The following DLGAP2 variants were observed in gnomAD, a reference collection of about 807,000 sequenced individuals.
DLGAP2 encodes disks large-associated protein 2.
DLGAP2 carries 26 observed loss-of-function variants against 100.3 expected under a neutral mutation model. The observed-to-expected ratio is 0.26, with a 90% confidence interval of 0.19 to 0.36. DLGAP2 has a LOEUF of 0.36. DLGAP2 is among the 10% of genes least tolerant of loss of function. The pLI is 1.00. For synonymous variants in DLGAP2, 886 were observed against 630.1 expected, an observed-to-expected ratio of 1.41 and a Z score of -6.08; for missense variants, 1,858 against 1,453.2, an observed-to-expected ratio of 1.28 and a Z score of -4.53.
At chr8:1,512,614 C>G (rs572193055) in intron 4 of DLGAP2, among the ~76,000 whole-genome samples, 2 of 152,172 alleles carry the variant, frequency 1.3e-5, no homozygotes, top group African/African-American at 4.8e-5. Flanking sequence ...CTGAGGCTGT[C>G]TGTTAAAAGC....
chr8:1,136,368 C>T (rs1280327126), intron 2 of DLGAP2, among the ~76,000 whole-genome samples: 1 of 152,236 alleles, frequency 6.6e-6, no homozygotes, highest in Non-Finnish European at 1.5e-5. Context: ...AGCCTGTCCA[C>T]AGCAGATGCT....
At chr8:1,365,705 G>A (rs951819054) in intron 3 of DLGAP2, among the ~76,000 whole-genome samples, 6 of 152,176 alleles carry the variant, frequency 3.9e-5, no homozygotes, top group South Asian at 2.1e-4. Flanking sequence ...AGATGGAGCC[G>A]CTGCAGCCAA....
chr8:905,969 C>A lies in DLGAP2; in HGVS notation c.19-1943C>A, dbSNP rs111300156. ...CATGCTCTGATTTGATTGATTGAGACTTTATTCCCGCTTCTTCAAGACATG... is the reference window on the plus strand; with the variant it reads ...CATGCTCTGATTTGATTGATTGAGAATTTATTCCCGCTTCTTCAAGACATG... On this transcript the variant is annotated intron_variant, in intron 1 of 14. Transcript: ENST00000637795. Among the ~76,000 whole-genome samples the A allele has an allele frequency of 2.5e-3, 377 of 152,346 alleles. 2 individuals carry two copies. Among genetic ancestry groups the A allele is most frequent in the African/African-American group, 8.4e-3 (351 of 41,594 alleles).
intron 2 of DLGAP2, among the ~76,000 whole-genome samples, chr8:977,618 T>A (rs933193739): frequency 8.5e-5 from 13 of 152,274 alleles, no homozygotes; most frequent in African/African-American, 2.2e-4. Context: ...TAATTTATAC[T>A]TAGTAAACTC....
chr8:1,206,591 A>G (rs13254635), intron 2 of DLGAP2, among the ~76,000 whole-genome samples: 600 of 24,014 alleles, frequency 0.025, 26 homozygotes, highest in African/African-American at 0.12. Context: ...GACTGTGAGC[A>G]GTTAATCTCC....
chr8:861,123 G>A (rs1797381561), intron 1 of DLGAP2, among the ~76,000 whole-genome samples: 1 of 152,088 alleles, frequency 6.6e-6, no homozygotes, highest in Non-Finnish European at 1.5e-5. Context: ...GGTGGTGCAG[G>A]GCTCAATCTG....
intron 4 of DLGAP2, among the ~76,000 whole-genome samples, chr8:1,510,388 C>T (rs962683485): frequency 6.6e-6 from 1 of 152,156 alleles, no homozygotes; most frequent in African/African-American, 2.4e-5. Flanking sequence ...CAGTGCGTGA[C>T]GAACGTATTG....
chr8:1,665,947 C>G (rs1180230573), intron 8 of DLGAP2, among the ~76,000 whole-genome samples: 1 of 152,236 alleles, frequency 6.6e-6, no homozygotes, highest in East Asian at 1.9e-4. Context: ...ATGTCGCACT[C>G]AACACCCTTG....
intron 14 of DLGAP2, among the ~76,000 whole-genome samples, chr8:1,699,484 G>A (rs958804289): frequency 2.6e-5 from 4 of 151,924 alleles, no homozygotes; most frequent in African/African-American, 4.8e-5. Context: ...CGTGGTGGTG[G>A]GCGCCTGTAG....
At chr8:926,067 T>C (rs185370739) in intron 2 of DLGAP2, among the ~76,000 whole-genome samples, 1 of 152,258 alleles carries the variant, frequency 6.6e-6, no homozygotes, top group East Asian at 1.9e-4. Flanking sequence ...CAATTTTCCG[T>C]GTTCTGACGC....
At chr8:1,589,737 G>A (rs981521775) in intron 6 of DLGAP2, among the ~76,000 whole-genome samples, 2 of 152,318 alleles carry the variant, frequency 1.3e-5, no homozygotes, top group African/African-American at 2.4e-5. Context: ...AAGGGAATAC[G>A]TAGAGACAGA....
chr8:877,973 G>C (rs909716968), intron 1 of DLGAP2, among the ~76,000 whole-genome samples: 2 of 152,184 alleles, frequency 1.3e-5, no homozygotes, highest in African/African-American at 2.4e-5. Flanking sequence ...ACAGGTACTT[G>C]TCTCCCTGAA....
chr8:1,096,864 C>T (rs552982017), intron 2 of DLGAP2, among the ~76,000 whole-genome samples: 56 of 143,714 alleles, frequency 3.9e-4, no homozygotes, highest in African/African-American at 1.5e-3. Flanking sequence ...GGCCTTCACC[C>T]TCTGTGGCAT....
chr8:862,011 T>G (rs561108419), intron 1 of DLGAP2, among the ~76,000 whole-genome samples: 1 of 152,238 alleles, frequency 6.6e-6, no homozygotes, highest in Non-Finnish European at 1.5e-5. Context: ...TAAATTTCTT[T>G]TGAAAGAAAT....
chr8:1,617,545 A>T (rs573280752), intron 6 of DLGAP2, among the ~76,000 whole-genome samples: 2 of 152,232 alleles, frequency 1.3e-5, no homozygotes, highest in African/African-American at 4.8e-5. Context: ...GTGTCTGTTC[A>T]TGTTCTTTGC....
chr8:1,503,239 T>G (rs2130331742), intron 4 of DLGAP2, among the ~76,000 whole-genome samples: 1 of 152,222 alleles, frequency 6.6e-6, no homozygotes, highest in East Asian at 1.9e-4. Context: ...CTCTAGAACT[T>G]TTTCCTCTTC....
chr8:852,223 T>C (rs1418747604), intron 1 of DLGAP2, among the ~76,000 whole-genome samples: 1 of 152,088 alleles, frequency 6.6e-6, no homozygotes, highest in African/African-American at 2.4e-5. Flanking sequence ...CTCACCTTTC[T>C]CTGTCTTGGT....
intron 1 of DLGAP2, among the ~76,000 whole-genome samples, chr8:828,793 T>G (rs1277680755): frequency 6.6e-6 from 1 of 152,236 alleles, no homozygotes; most frequent in Non-Finnish European, 1.5e-5. Flanking sequence ...GGGGAACTAA[T>G]GAATGTCCAT....
intron 2 of DLGAP2, among the ~76,000 whole-genome samples, chr8:983,092 C>G (rs568401497): frequency 6.6e-6 from 1 of 152,140 alleles, no homozygotes; most frequent in African/African-American, 2.4e-5. Flanking sequence ...TGAACTTACC[C>G]GATGGACCTG....
Sources: gnomAD v4.1 joint callset for allele counts (sites outside exome capture counted in the v4.1 genomes callset) on GRCh38, gnomAD v4.1.1 for gene constraint, MANE v1.5 for transcripts, NCBI Gene and HGNC (gene_info 2026-07-23, HGNC 2026-07-21) for gene names.